Variants in RHPN2 observed in about 807,000 individuals in gnomAD.
RHPN2 encodes the protein rhophilin-2.
A neutral mutation model predicts 79.0 loss-of-function variants in RHPN2; 40 were observed. The observed-to-expected ratio is 0.51, with a 90% CI of 0.39 to 0.66. The LOEUF (loss-of-function observed/expected upper bound fraction) is 0.66, where lower values mean the gene tolerates loss of function less well. Ranked by LOEUF, RHPN2 falls within the 30% of genes least tolerant of loss-of-function variation. The probability of loss-of-function intolerance (pLI) is 0.00; values close to 1 mark genes in which losing one functional copy is unlikely to be tolerated. For synonymous variants in RHPN2, 285 were observed against 363.5 expected, an observed-to-expected ratio of 0.78 and a Z score of 2.46; for missense variants, 686 against 883.5, an observed-to-expected ratio of 0.78 and a Z score of 2.83.
intron 11 of RHPN2, among the ~76,000 whole-genome samples, chr19:32,994,383 C>T (rs113424256): frequency 9.0e-6 from 1 of 111,504 alleles, no homozygotes; most frequent in Non-Finnish European, 1.8e-5. Context: ...GTGACAGAGT[C>T]AGACTCCGGG....
chr19:33,030,593 A>T (rs8109827), intron 2 of RHPN2, among the ~76,000 whole-genome samples: 1 of 151,780 alleles, frequency 6.6e-6, no homozygotes, highest in African/African-American at 2.4e-5. Context: ...ACTCCATCAC[A>T]AAAAAAAGAA....
chr19:32,996,258 C>G (rs753493603), intron 10 of RHPN2, 38 bp from the exon 11 acceptor site: 2 of 1,612,484 alleles, frequency 1.2e-6, no homozygotes, highest in South Asian at 1.1e-5. Context: ...ACTTGCAGAT[C>G]CACCAAGCAG....
chr19:33,006,233 G>A (rs1971790079), intron 7 of RHPN2, among the ~76,000 whole-genome samples: 1 of 151,962 alleles, frequency 6.6e-6, no homozygotes, highest in Non-Finnish European at 1.5e-5. Context: ...GTCTTACTCT[G>A]TCACCCAGGC....
chr19:32,989,610 C>T (rs1169069359), intron 14 of RHPN2, among the ~76,000 whole-genome samples: 1 of 152,070 alleles, frequency 6.6e-6, no homozygotes, highest in Non-Finnish European at 1.5e-5. Flanking sequence ...GTATGTATTA[C>T]TTTTGTAATT....
rs1041991079 is a variant in RHPN2, at chr19:33,046,402, A to C, written c.70-2038T>G. On this transcript the variant is annotated intron_variant, in intron 1 of 14. Transcript: ENST00000254260. Reference sequence around the variant, plus strand: ...TGCTTCAGCCTCCCGGGTAGCTGGGATTACAGGCGTGCACCACCATGACCA... The same window carrying C: ...TGCTTCAGCCTCCCGGGTAGCTGGGCTTACAGGCGTGCACCACCATGACCA... 2.6e-5 allele frequency among the ~76,000 whole-genome samples: 4 copies of C among 151,990 alleles called. No homozygotes were observed. The East Asian group carries it at 5.8e-4, about 22-fold the overall frequency.
chr19:33,012,787 G>C (rs753029020), intron 4 of RHPN2, 63 bp from the exon 5 acceptor site: 3 of 906,866 alleles, frequency 3.3e-6, no homozygotes, highest in Admixed American at 1.7e-5. Flanking sequence ...GTGCATAATA[G>C]TAATATGTCA....
intron 1 of RHPN2, among the ~76,000 whole-genome samples, chr19:33,062,155 ATT>A (rs1172147242): frequency 6.6e-6 from 1 of 152,054 alleles, no homozygotes; most frequent in Non-Finnish European, 1.5e-5. Flanking sequence ...GATTCCTCTT[ATT>A]TTGCACCCCT....
In RHPN2 at chr19:32,979,712, AAT is replaced by A. The variant is rs536066793; in HGVS notation, c.*282_*283del. The A allele has an allele frequency of 1.5e-3, 606 of 400,298 alleles. No homozygotes were observed. The highest frequency in any genetic ancestry group is 2.9e-3 in the Admixed American group (70 of 23,894). The allele number at this position is 400,298 out of a possible 1,614,324, so 24.8% of individuals were successfully genotyped here. On this transcript the variant is annotated 3_prime_UTR_variant, in exon 15 of 15. Transcript: ENST00000254260. ...AAAAGTCATAATTGTCACCATTAAA[AAT>A]AGCCATATTTCATATCTTCAACACT...
At chr19:33,002,736 G>A (rs948235723) in intron 8 of RHPN2, 77 bp downstream of exon 8, 1 of 1,530,500 alleles carries the variant, frequency 6.5e-7, no homozygotes, top group African/African-American at 1.4e-5. Flanking sequence ...CCCATGGGAA[G>A]GCCCCGCTAC....
intron 4 of RHPN2, among the ~76,000 whole-genome samples, chr19:33,016,993 C>T (rs1206346938): frequency 6.6e-6 from 1 of 152,178 alleles, no homozygotes; most frequent in Non-Finnish European, 1.5e-5. Context: ...TTTTCATTTG[C>T]TTTAATGTGG....
intron 4 of RHPN2, 66 bp downstream of exon 4, chr19:33,021,505 C>T (rs879808986): frequency 1.0e-4 from 132 of 1,301,148 alleles, no homozygotes; most frequent in African/African-American, 8.1e-4. Flanking sequence ...TACAGGCATG[C>T]GCCACTGCAA....
intron 6 of RHPN2, among the ~76,000 whole-genome samples, chr19:33,010,218 C>T (rs186729394): frequency 6.6e-6 from 1 of 152,258 alleles, no homozygotes; most frequent in African/African-American, 2.4e-5. Flanking sequence ...AGTCATCCCC[C>T]TTTCCTTTGC....
At chr19:33,034,017 G>A (rs1432730624) in intron 2 of RHPN2, among the ~76,000 whole-genome samples, 5 of 124,304 alleles carry the variant, frequency 4.0e-5, no homozygotes, top group African/African-American at 1.8e-4. Flanking sequence ...CTCCCATCTT[G>A]GCAAAACATT....
At chr19:33,016,272 C>T (rs1971876861) in intron 4 of RHPN2, among the ~76,000 whole-genome samples, 2 of 151,578 alleles carry the variant, frequency 1.3e-5, no homozygotes, top group African/African-American at 2.4e-5. Flanking sequence ...AGTGCAGGGG[C>T]TCAATCATAG....
chr19:33,007,970 G>T, intron 7 of RHPN2, 44 bp downstream of exon 7: 1 of 1,609,188 alleles, frequency 6.2e-7, no homozygotes, highest in South Asian at 1.1e-5. Flanking sequence ...GGTGCCACCG[G>T]GTGGGGCCAA....
chr19:33,007,804 C>A (rs549680154), intron 7 of RHPN2, among the ~76,000 whole-genome samples: 1 of 149,920 alleles, frequency 6.7e-6, no homozygotes, highest in East Asian at 2.0e-4. Flanking sequence ...ACCTTGTGAT[C>A]CACCCGCTTT....
intron 7 of RHPN2, among the ~76,000 whole-genome samples, chr19:33,005,912 G>A (rs760698695): frequency 6.6e-6 from 1 of 151,892 alleles, no homozygotes; most frequent in South Asian, 2.1e-4. Flanking sequence ...ATTATTTTTT[G>A]GGACAGGGTC....
intron 10 of RHPN2, among the ~76,000 whole-genome samples, chr19:32,997,773 G>C (rs759607506): frequency 3.3e-5 from 5 of 152,188 alleles, no homozygotes; most frequent in Non-Finnish European, 5.9e-5. Context: ...TTGCAGGTGT[G>C]AGCCACCACA....
intron 6 of RHPN2, among the ~76,000 whole-genome samples, chr19:33,008,451 G>T (rs985745331): frequency 1.3e-5 from 2 of 151,288 alleles, no homozygotes; most frequent in East Asian, 1.9e-4. Flanking sequence ...TAGAGATGGG[G>T]TCTATGTTAC....
Sources: gnomAD v4.1 joint callset for allele counts (sites outside exome capture counted in the v4.1 genomes callset) on GRCh38, gnomAD v4.1.1 for gene constraint, MANE v1.5 for transcripts, NCBI Gene and HGNC (gene_info 2026-07-23, HGNC 2026-07-21) for gene names.